Variants in ABLIM2 observed in about 807,000 individuals in gnomAD.
ABLIM2 encodes actin-binding LIM protein 2.
ABLIM2 carries 53 observed loss-of-function variants against 97.7 expected under a neutral mutation model. The ratio of observed to expected loss-of-function variants is 0.54; its 90% CI spans 0.44 to 0.68. The LOEUF (loss-of-function observed/expected upper bound fraction) is 0.68, where lower values mean the gene tolerates loss of function less well. Ranked by LOEUF, ABLIM2 falls within the 30% of genes least tolerant of loss-of-function variation. ABLIM2 has a pLI of 0.00. For synonymous variants in ABLIM2, 361 were observed against 345.8 expected (o/e 1.04, Z -0.49); for missense variants, 835 against 867.2 (o/e 0.96, Z 0.47).
chr4:8,040,083 T>C (rs1787328748), intron 9 of ABLIM2, among the ~76,000 whole-genome samples: 1 of 152,166 alleles, frequency 6.6e-6, no homozygotes. Context: ...TGGTGGATTC[T>C]GGTGCATTCC....
Position 8,043,509 on chromosome 4 carries a change from T to C in ABLIM2, c.900+1655A>G, listed in dbSNP as rs1162449329. Among the ~76,000 whole-genome samples the C allele has an allele frequency of 6.6e-6, 1 of 151,860 alleles. No homozygotes were observed. The highest frequency in any genetic ancestry group is 6.6e-5 in the Admixed American group (1 of 15,246). ...TTTGGATGCAGGGCCTTAAGAGAGG[T>C]CATCAAGTTAAAACAAGACCGTTAG... On this transcript the variant is annotated intron_variant, in intron 9 of 20. Transcript: ENST00000447017. The surrounding 1 kb of genome is among the most constrained non-coding windows in gnomAD (Gnocchi z 4.8).
At position 8,005,279 on chromosome 4, in the gene ABLIM2, C is replaced by T. The variant is rs773869137; in HGVS notation, c.1618+2780G>A. 30 of 524,998 alleles carry T rather than the reference C, an allele frequency of 5.7e-5. 1 individual carries two copies. The highest frequency in any genetic ancestry group is 1.2e-4 in the African/African-American group (6 of 51,944). 32.5% of individuals were successfully genotyped at this position (524,998 alleles called of 1,614,324 possible). On this transcript the variant is annotated intron_variant, in intron 16 of 20. Coordinates refer to ENST00000447017, the MANE Select transcript of ABLIM2 (RefSeq NM_001130083.2). The surrounding 1 kb of genome is among the most constrained non-coding windows in gnomAD (Gnocchi z 4.9). ...CTGCTCTTGTCTTCTCTGTCCCCCTCGGCGCCCCGCTCAGCGTCTGGCACA... is the reference window on the plus strand; with the variant it reads ...CTGCTCTTGTCTTCTCTGTCCCCCTTGGCGCCCCGCTCAGCGTCTGGCACA...
intron 20 of ABLIM2, among the ~76,000 whole-genome samples, chr4:7,979,901 G>C (rs778872649): frequency 1.1e-4 from 17 of 152,220 alleles, no homozygotes; most frequent in Non-Finnish European, 2.2e-4. Flanking sequence ...ACTGCTGAGA[G>C]AGAGAAAGAT....
intron 1 of ABLIM2, among the ~76,000 whole-genome samples, chr4:8,144,132 A>C (rs1482444576): frequency 6.6e-6 from 1 of 152,196 alleles, no homozygotes; most frequent in Non-Finnish European, 1.5e-5. Flanking sequence ...CTGCTGGGCC[A>C]CAGGGGTGCC....
rs1723439618 is a variant in ABLIM2 at position 7,967,111 on chromosome 4, C to T, written c.1825-8G>A. The T allele has an allele frequency of 6.2e-7, 1 of 1,611,482 alleles. No homozygotes were observed. The highest frequency in any genetic ancestry group is 1.1e-5 in the South Asian group (1 of 91,042). On this transcript the variant is annotated splice_polypyrimidine_tract_variant and splice_region_variant and intron_variant, in intron 20 of 20. Transcript: ENST00000447017. Reference sequence around the variant, plus strand: ...CTCGGGCGACAAGTGTCTCTTCAAACAAAAAGGCAAAACAGAAGGGACCAG... The same window carrying T: ...CTCGGGCGACAAGTGTCTCTTCAAATAAAAAGGCAAAACAGAAGGGACCAG...
intron 16 of ABLIM2, among the ~76,000 whole-genome samples, chr4:7,994,993 A>G (rs1752238191): frequency 8.9e-6 from 1 of 112,662 alleles, no homozygotes; most frequent in Non-Finnish European, 2.1e-5. Flanking sequence ...AAAACAAACA[A>G]CCCCATCAAA....
chr4:8,100,701 G>A (rs1834091003), intron 2 of ABLIM2, among the ~76,000 whole-genome samples: 1 of 142,760 alleles, frequency 7.0e-6, no homozygotes, highest in Admixed American at 7.5e-5. Flanking sequence ...AGCCAAGATC[G>A]CGCCACTGCA....
chr4:8,008,999 A>G (rs965999899), intron 15 of ABLIM2, 51 bp downstream of exon 15: 3 of 1,607,480 alleles, frequency 1.9e-6, no homozygotes, highest in Non-Finnish European at 2.6e-6. Flanking sequence ...CACAAAAGCA[A>G]TTTCTTTCTG....
chr4:7,969,905 T>A (rs1726378440), intron 20 of ABLIM2, among the ~76,000 whole-genome samples: 1 of 152,122 alleles, frequency 6.6e-6, no homozygotes, highest in South Asian at 2.1e-4. Context: ...TTCTTGGTGC[T>A]GAGAAATCCA....
chr4:8,017,487 T>C (rs990566282), intron 14 of ABLIM2, among the ~76,000 whole-genome samples: 2 of 151,818 alleles, frequency 1.3e-5, no homozygotes, highest in Non-Finnish European at 2.9e-5. Context: ...GGGGTTTCAC[T>C]GTGTTGCCCA....
At chr4:7,981,681 C>A (rs1738565967) in intron 20 of ABLIM2, among the ~76,000 whole-genome samples, 1 of 152,228 alleles carries the variant, frequency 6.6e-6, no homozygotes, top group African/African-American at 2.4e-5. Flanking sequence ...CCCAGTGCTA[C>A]AGTCACACCA....
At chr4:8,030,410 T>C (rs1042515184) in intron 10 of ABLIM2, among the ~76,000 whole-genome samples, 11 of 152,140 alleles carry the variant, frequency 7.2e-5, no homozygotes, top group African/African-American at 2.7e-4. Flanking sequence ...TGGCATGCTG[T>C]CCCGGGTCAT....
rs141490610 is a variant in ABLIM2 at position 8,131,401 on chromosome 4, G to A, written c.11-24764C>T. ...CTGATTTCCTGCCAGGGACTGGGTC[G>A]CCACCTGCAGTGCAGAAAATTATAT... On this transcript the variant is annotated intron_variant, in intron 1 of 20. Transcript: ENST00000447017. Among the ~76,000 whole-genome samples the A allele has an allele frequency of 2.5e-3, 378 of 152,300 alleles. 2 individuals are homozygous for A. Among genetic ancestry groups the A allele is most frequent in the African/African-American group, 8.6e-3 (357 of 41,548 alleles).
Position 7,983,530 on chromosome 4 carries a change from G to C in ABLIM2, c.1743+17C>G. ...GTGGCGCGGCACGGAGGTCAGTGTG[G>C]GAGCGGCCCCGCTTACCTTGTATTC... On this transcript the variant is annotated intron_variant, in intron 19 of 20. Transcript: ENST00000447017. 2 of 1,613,068 alleles carry C rather than the reference G, an allele frequency of 1.2e-6. No individual in the cohort carries two copies. Among genetic ancestry groups the C allele is most frequent in the Non-Finnish European group, 1.7e-6 (2 of 1,179,672 alleles).
Position 8,122,312 on chromosome 4 carries a change from C to G in ABLIM2, c.11-15675G>C, listed in dbSNP as rs1036497774. On this transcript the variant is annotated intron_variant, in intron 1 of 20. Coordinates refer to ENST00000447017, the MANE Select transcript of ABLIM2 (RefSeq NM_001130083.2). This position sits in a 1 kb window ranked among gnomAD's most constrained non-coding sequence, Gnocchi z 4.1. ...CCCCACTTTGTCCTCGGCTCCCATC[C>G]TCCATTTCCCAGGGGACACCCTCTG... 2.6e-5 allele frequency among the ~76,000 whole-genome samples: 4 copies of G among 152,238 alleles called. No individual in the cohort carries two copies. The highest frequency in any genetic ancestry group is 5.9e-5 in the Non-Finnish European group (4 of 68,034).
Position 8,122,937 on chromosome 4 carries a change from G to T in ABLIM2, c.11-16300C>A, listed in dbSNP as rs1036401380. Among the ~76,000 whole-genome samples, 6 of 152,112 alleles carry T rather than the reference G, an allele frequency of 3.9e-5. No individual in the cohort carries two copies. Among genetic ancestry groups the T allele is most frequent in the Non-Finnish European group, 5.9e-5 (4 of 68,012 alleles). On this transcript the variant is annotated intron_variant, in intron 1 of 20. Coordinates refer to ENST00000447017, the MANE Select transcript of ABLIM2 (RefSeq NM_001130083.2). This position sits in a 1 kb window ranked among gnomAD's most constrained non-coding sequence, Gnocchi z 4.1. ...GGTGAGGGGCGAACCAGCCCTAGGG[G>T]TGGCAAATCTGTCTGGGACCTGACC...
Position 8,131,860 on chromosome 4 carries a change from C to T in ABLIM2, c.11-25223G>A, listed in dbSNP as rs1365886260. ...GCCCGCATCCCTGAGCACAGCAGCC[C>T]GCATCCCCTGCACAGCAGCCCGCAT... On this transcript the variant is annotated intron_variant, in intron 1 of 20. Transcript: ENST00000447017. Among the ~76,000 whole-genome samples the T allele has an allele frequency of 3.0e-4, 43 of 141,556 alleles. 1 individual carries two copies. Among genetic ancestry groups the T allele is most frequent in the African/African-American group, 1.1e-3 (42 of 37,584 alleles). 92.9% of individuals were successfully genotyped at this position (141,556 alleles called of 152,430 possible). A position where few individuals can be genotyped will look rare whatever the true frequency, so the allele number is the denominator to read the frequency against.
chr4:8,009,767 C>A, intron 14 of ABLIM2, among the ~76,000 whole-genome samples: 1 of 152,316 alleles, frequency 6.6e-6, no homozygotes, highest in East Asian at 1.9e-4. Flanking sequence ...TGGAGGCCTA[C>A]GTGTCTGACT....
In ABLIM2 at chr4:8,082,457, T is replaced by G. The variant is rs1820555737; in HGVS notation, c.455-1655A>C. Among the ~76,000 whole-genome samples the G allele has an allele frequency of 6.6e-6, 1 of 152,246 alleles. No individual in the cohort carries two copies. The highest frequency in any genetic ancestry group is 1.5e-5 in the Non-Finnish European group (1 of 68,050). On this transcript the variant is annotated intron_variant, in intron 4 of 20. Transcript: ENST00000447017. This position sits in a 1 kb window ranked among gnomAD's most constrained non-coding sequence, Gnocchi z 5.6. Reference sequence around the variant, plus strand: ...GCATCGGCGAGACCCCCTGTGGGCCTGCTGTGCGGTGAGAGCTCAGCAGAG... The same window carrying G: ...GCATCGGCGAGACCCCCTGTGGGCCGGCTGTGCGGTGAGAGCTCAGCAGAG...
Sources: gnomAD v4.1 joint callset for allele counts (sites outside exome capture counted in the v4.1 genomes callset) on GRCh38, gnomAD v4.1.1 for gene constraint, Gnocchi (gnomAD v3.1) non-coding constraint, MANE v1.5 for transcripts, NCBI Gene and HGNC (gene_info 2026-07-23, HGNC 2026-07-21) for gene names.